SDK1: variants seen among roughly 807,000 people sequenced by gnomAD.
SDK1 encodes the protein protein sidekick-1.
Under a neutral mutation model 245.5 loss-of-function variants are expected in SDK1, and 157 were observed. The observed-to-expected ratio is 0.64, with a 90% CI of 0.56 to 0.73. The LOEUF is 0.73. Among genes scored for constraint, SDK1 ranks in the 30% least tolerant of loss-of-function variants. SDK1 has a pLI of 0.00. For missense variants in SDK1, 3,583 were observed against 3,002.3 expected (o/e 1.19, Z -4.52); for synonymous variants, 1,647 against 1,278.5 (o/e 1.29, Z -6.15).
At chr7:3,584,197 A>G (rs528561560) in intron 1 of SDK1, among the ~76,000 whole-genome samples, 130 of 152,254 alleles carry the variant, frequency 8.5e-4, no homozygotes, top group Non-Finnish European at 1.5e-3. Flanking sequence ...AAGGCTTCTT[A>G]GGGCCCTTAA....
chr7:4,098,221 GAAAATACT>G, intron 22 of SDK1, among the ~76,000 whole-genome samples: 1 of 152,282 alleles, frequency 6.6e-6, no homozygotes, highest in African/African-American at 2.4e-5. Flanking sequence ...CACAGGAGAG[GAAAATACT>G]GCCGCATACG....
chr7:4,085,930 A>G (rs1781399840), intron 22 of SDK1, among the ~76,000 whole-genome samples: 2 of 152,216 alleles, frequency 1.3e-5, no homozygotes, highest in African/African-American at 4.8e-5. Context: ...ACGATCTCAA[A>G]GTCAAAACTA....
At chr7:4,035,695 T>C (rs1220894689) in intron 17 of SDK1, among the ~76,000 whole-genome samples, 1 of 152,152 alleles carries the variant, frequency 6.6e-6, no homozygotes, top group African/African-American at 2.4e-5. Context: ...AGCTTCCTAG[T>C]AACAGAAAAA....
chr7:4,266,039 G>C lies in SDK1; in HGVS notation c.*655G>C. 5.1e-6 allele frequency: 5 copies of C among 985,482 alleles called. No individual in the cohort carries two copies. Among genetic ancestry groups the C allele is most frequent in the Non-Finnish European group, 6.0e-6 (5 of 829,926 alleles). 61.0% of individuals were successfully genotyped at this position (985,482 alleles called of 1,614,324 possible). A position where few individuals can be genotyped will look rare whatever the true frequency, so the allele number is the denominator to read the frequency against. ...AGCCGTCACTGTCTGTGTCACTGCAGTGGTGCGGTCCTCAGGCTTTTCTGC... is the reference window on the plus strand; with the variant it reads ...AGCCGTCACTGTCTGTGTCACTGCACTGGTGCGGTCCTCAGGCTTTTCTGC... On this transcript the variant is annotated 3_prime_UTR_variant, in exon 45 of 45. Coordinates refer to ENST00000404826, the MANE Select transcript of SDK1 (RefSeq NM_152744.4).
chr7:3,938,184 G>A (rs951802067), intron 5 of SDK1, among the ~76,000 whole-genome samples: 2 of 152,104 alleles, frequency 1.3e-5, no homozygotes, highest in African/African-American at 4.8e-5. Context: ...TACGTGGCTG[G>A]TTACATTCTC....
intron 4 of SDK1, among the ~76,000 whole-genome samples, chr7:3,794,468 T>A (rs1778914476): frequency 6.6e-6 from 1 of 152,216 alleles, no homozygotes; most frequent in Admixed American, 6.5e-5. Flanking sequence ...AGTATTGATA[T>A]GTGGGGCTCT....
At chr7:3,430,765 A>G (rs1779820219) in intron 1 of SDK1, among the ~76,000 whole-genome samples, 1 of 152,234 alleles carries the variant, frequency 6.6e-6, no homozygotes. Context: ...TGGGGGCCGA[A>G]TCCTGCCTGT....
intron 1 of SDK1, among the ~76,000 whole-genome samples, chr7:3,512,726 T>A (rs1193469911): frequency 6.6e-6 from 1 of 152,256 alleles, no homozygotes; most frequent in African/African-American, 2.4e-5. Context: ...GCAACTACTT[T>A]TAAAGGTATT....
chr7:3,838,642 C>T (rs905015235), intron 5 of SDK1, among the ~76,000 whole-genome samples: 3 of 152,180 alleles, frequency 2.0e-5, no homozygotes, highest in Middle Eastern at 3.4e-3. Flanking sequence ...ACTGATGGTC[C>T]GGTGTTGCCA....
At chr7:3,757,405 A>G (rs1315991844) in intron 4 of SDK1, among the ~76,000 whole-genome samples, 1 of 151,980 alleles carries the variant, frequency 6.6e-6, no homozygotes, top group African/African-American at 2.4e-5. Context: ...AATTTTATTT[A>G]AAATTATTTT....
At chr7:3,627,323 G>A (rs1157477757) in intron 2 of SDK1, among the ~76,000 whole-genome samples, 2 of 152,156 alleles carry the variant, frequency 1.3e-5, no homozygotes, top group Admixed American at 6.6e-5. Context: ...ATCCTCTGGG[G>A]AAAGTGCCTG....
chr7:3,778,848 C>T (rs1228047438), intron 4 of SDK1, among the ~76,000 whole-genome samples: 5 of 152,236 alleles, frequency 3.3e-5, no homozygotes, highest in African/African-American at 4.8e-5. Context: ...AATTATAGAC[C>T]GCCTTTCCAG....
chr7:3,641,394 C>A (rs532677115), intron 3 of SDK1, among the ~76,000 whole-genome samples: 6 of 152,082 alleles, frequency 3.9e-5, no homozygotes, highest in Non-Finnish European at 8.8e-5. Context: ...AATACTGGAA[C>A]AAAAGCTAGT....
chr7:3,482,801 C>T (rs966512510), intron 1 of SDK1, among the ~76,000 whole-genome samples: 5 of 152,166 alleles, frequency 3.3e-5, no homozygotes, highest in Non-Finnish European at 2.9e-5. Flanking sequence ...AACAGGAAAA[C>T]AGGTAAAGGA....
chr7:3,536,994 T>C (rs1326395361), intron 1 of SDK1, among the ~76,000 whole-genome samples: 1 of 152,218 alleles, frequency 6.6e-6, no homozygotes, highest in Non-Finnish European at 1.5e-5. Context: ...TTTTTTTAAT[T>C]GAAGTATAAT....
At chr7:3,960,077 A>G (rs1367653059) in intron 8 of SDK1, among the ~76,000 whole-genome samples, 1 of 152,226 alleles carries the variant, frequency 6.6e-6, no homozygotes, top group Non-Finnish European at 1.5e-5. Flanking sequence ...CTACTCCCTA[A>G]GAGCTCGGAG....
chr7:3,850,228 C>T (rs1780384266), intron 5 of SDK1, among the ~76,000 whole-genome samples: 1 of 152,200 alleles, frequency 6.6e-6, no homozygotes. Context: ...AAGAAGCCTT[C>T]TTCTCTGCAT....
chr7:3,486,523 C>G (rs1024097072), intron 1 of SDK1, among the ~76,000 whole-genome samples: 11 of 152,030 alleles, frequency 7.2e-5, no homozygotes, highest in African/African-American at 2.7e-4. Context: ...CTTGTGTTTT[C>G]TGGTAAATGC....
At chr7:4,003,434 C>T (rs11973118) in intron 14 of SDK1, among the ~76,000 whole-genome samples, 1,713 of 152,344 alleles carry the variant, frequency 0.011, 30 homozygotes, top group African/African-American at 0.039. Context: ...TTATTGTTCA[C>T]TGCAGTCACT....
Sources: allele counts gnomAD v4.1 joint callset (sites outside exome capture counted in the v4.1 genomes callset), GRCh38; gene constraint gnomAD v4.1.1; transcripts MANE v1.5; gene names NCBI Gene and HGNC (gene_info 2026-07-23, HGNC 2026-07-21).